The following STAP1 variants were observed in gnomAD, a reference collection of about 807,000 sequenced individuals.
The protein encoded by STAP1 is signal-transducing adaptor protein 1.
In STAP1, 30 loss-of-function variants were observed where a neutral mutation model predicts 37.8. The ratio of observed to expected loss-of-function variants is 0.79; its 90% confidence interval spans 0.59 to 1.08. STAP1 has a LOEUF of 1.08. STAP1 is among the 50% of genes least tolerant of loss of function. The pLI, the probability that STAP1 is intolerant of heterozygous loss-of-function variation, is 0.00. For synonymous variants in STAP1, 130 were observed against 116.0 expected (o/e 1.12, Z -0.78); for missense variants, 357 against 349.4 (o/e 1.02, Z -0.17).
intron 8 of STAP1, among the ~76,000 whole-genome samples, chr4:67,595,953 T>C (rs1487692482): frequency 6.6e-6 from 1 of 151,556 alleles, no homozygotes; most frequent in Non-Finnish European, 1.5e-5. Context: ...GTACTTTGTT[T>C]CAGCATACAG....
intron 1 of STAP1, among the ~76,000 whole-genome samples, chr4:67,566,094 G>A (rs1031273492): frequency 7.3e-5 from 11 of 150,672 alleles, no homozygotes; most frequent in African/African-American, 2.2e-4. Context: ...GATTACAGGC[G>A]CCCGCCACTA....
At chr4:67,588,700 C>T (rs1049368278) in intron 6 of STAP1, among the ~76,000 whole-genome samples, 12 of 152,162 alleles carry the variant, frequency 7.9e-5, no homozygotes, top group Non-Finnish European at 1.3e-4. Context: ...TGAACCACTG[C>T]GCCCGGCCAA....
At chr4:67,599,205 A>G (rs1005952886) in intron 8 of STAP1, among the ~76,000 whole-genome samples, 1 of 152,186 alleles carries the variant, frequency 6.6e-6, no homozygotes, top group Non-Finnish European at 1.5e-5. Context: ...TTTTGTTATC[A>G]AGGTAATACT....
chr4:67,603,838 G>A (rs909612179), intron 8 of STAP1, among the ~76,000 whole-genome samples: 2 of 151,944 alleles, frequency 1.3e-5, no homozygotes, highest in Admixed American at 1.3e-4. Flanking sequence ...TGAGATTGGG[G>A]GAGGGGTGCC....
At chr4:67,560,444 A>G (rs952947455) in intron 1 of STAP1, among the ~76,000 whole-genome samples, 1 of 152,196 alleles carries the variant, frequency 6.6e-6, no homozygotes, top group African/African-American at 2.4e-5. Context: ...TCTGGAGAAT[A>G]TGGAAAAAAA....
chr4:67,591,096 G>A lies in STAP1; in HGVS notation c.729+143G>A, dbSNP rs188291962. Reference sequence around the variant, plus strand: ...AAAGTGAGATTCAGGAACAGGTGGTGAGGCAGAGTAAAATATAATTTGCTT... The same window carrying A: ...AAAGTGAGATTCAGGAACAGGTGGTAAGGCAGAGTAAAATATAATTTGCTT... On this transcript the variant is annotated intron_variant, in intron 7 of 8. Coordinates refer to ENST00000265404, the MANE Select transcript of STAP1 (RefSeq NM_012108.4). The A allele has an allele frequency of 6.5e-4, 284 of 433,630 alleles. 3 individuals carry two copies. The highest frequency in any genetic ancestry group is 5.4e-3 in the African/African-American group (263 of 49,144). 26.9% of individuals were successfully genotyped at this position (433,630 alleles called of 1,614,324 possible).
intron 8 of STAP1, among the ~76,000 whole-genome samples, chr4:67,598,019 G>T (rs914427713): frequency 2.6e-5 from 4 of 152,162 alleles, no homozygotes; most frequent in African/African-American, 9.7e-5. Flanking sequence ...GGAGTGGAAT[G>T]ATATGGTTTG....
chr4:67,575,552 T>G, intron 3 of STAP1, 54 bp downstream of exon 3: 1 of 1,274,270 alleles, frequency 7.8e-7, no homozygotes, highest in Admixed American at 2.0e-5. Context: ...AATAACATTC[T>G]TCACATCCAG....
At chr4:67,592,113 T>G (rs17838964) in intron 7 of STAP1, among the ~76,000 whole-genome samples, 7,859 of 99,888 alleles carry the variant, frequency 0.079, 685 homozygotes, top group African/African-American at 0.23. Context: ...CTCAGTAAGG[T>G]TGTATTTTTG....
At chr4:67,596,513 C>T (rs574485355) in intron 8 of STAP1, among the ~76,000 whole-genome samples, 8 of 152,056 alleles carry the variant, frequency 5.3e-5, no homozygotes, top group Non-Finnish European at 5.9e-5. Flanking sequence ...CAGAAGAAGA[C>T]AAAAAGATGT....
intron 1 of STAP1, among the ~76,000 whole-genome samples, chr4:67,565,934 C>CTTTTT (rs60607477): frequency 1.7e-5 from 1 of 59,430 alleles, no homozygotes; most frequent in Non-Finnish European, 3.4e-5. Context: ...AACCCAACTG[C>CTTTTT]TTTTTTTTTT....
intron 1 of STAP1, among the ~76,000 whole-genome samples, chr4:67,567,535 G>A (rs1419826069): frequency 6.6e-6 from 1 of 152,142 alleles, no homozygotes; most frequent in Non-Finnish European, 1.5e-5. Flanking sequence ...CCTATAAAGA[G>A]GCTGAATCTA....
intron 1 of STAP1, among the ~76,000 whole-genome samples, chr4:67,566,328 G>C (rs1292113645): frequency 1.3e-5 from 2 of 152,082 alleles, no homozygotes; most frequent in Non-Finnish European, 2.9e-5. Context: ...GCCAGACACA[G>C]AAATCACACA....
At chr4:67,601,073 T>C (rs1419893891) in intron 8 of STAP1, among the ~76,000 whole-genome samples, 3 of 152,184 alleles carry the variant, frequency 2.0e-5, no homozygotes, top group African/African-American at 7.2e-5. Flanking sequence ...GTCTTTTTTG[T>C]GAAGGTGATT....
rs968007948 is a variant in STAP1, at chr4:67,606,398, T to C, written c.*41T>C. 3 of 1,558,756 alleles carry C rather than the reference T, an allele frequency of 1.9e-6. No homozygotes were observed. The highest frequency in any genetic ancestry group is 2.6e-6 in the Non-Finnish European group (3 of 1,148,320). ...CTCCTTTGTATATCTTGGTAATTTA[T>C]ATTTTCAAAACGAAGTTCTTACTTT... On this transcript the variant is annotated 3_prime_UTR_variant, in exon 9 of 9. Coordinates refer to ENST00000265404, the MANE Select transcript of STAP1 (RefSeq NM_012108.4).
intron 2 of STAP1, among the ~76,000 whole-genome samples, chr4:67,572,083 G>A (rs911176973): frequency 5.3e-5 from 8 of 152,084 alleles, no homozygotes; most frequent in African/African-American, 1.7e-4. Context: ...CTTAATAATC[G>A]AGAGCCTGGT....
intron 4 of STAP1, among the ~76,000 whole-genome samples, chr4:67,578,708 A>T (rs902030259): frequency 6.6e-6 from 1 of 152,244 alleles, no homozygotes; most frequent in Non-Finnish European, 1.5e-5. Context: ...CTAAGTATGT[A>T]TAAAGTTTTG....
chr4:67,592,018 G>A (rs1031849067), intron 7 of STAP1, among the ~76,000 whole-genome samples: 3 of 152,170 alleles, frequency 2.0e-5, no homozygotes, highest in African/African-American at 7.2e-5. Context: ...TCTGTCATTA[G>A]CTCATACAGT....
chr4:67,601,985 C>T (rs541149655), intron 8 of STAP1, among the ~76,000 whole-genome samples: 2 of 151,836 alleles, frequency 1.3e-5, no homozygotes, highest in Admixed American at 1.3e-4. Flanking sequence ...CTTAGATTTG[C>T]TCTTTGGAGG....
Sources: allele counts gnomAD v4.1 joint callset (sites outside exome capture counted in the v4.1 genomes callset), GRCh38; gene constraint gnomAD v4.1.1; transcripts MANE v1.5; gene names NCBI Gene and HGNC (gene_info 2026-07-23, HGNC 2026-07-21).